MECOM: variants seen among roughly 807,000 people sequenced by gnomAD.
The protein encoded by MECOM is histone-lysine N-methyltransferase MECOM.
Under a neutral mutation model 116.3 loss-of-function variants are expected in MECOM, and 13 were observed. The observed-to-expected ratio is 0.11, with a 90% CI of 0.07 to 0.18. MECOM has a LOEUF of 0.18. Among genes scored for constraint, MECOM ranks in the 10% least tolerant of loss-of-function variants. The probability of loss-of-function intolerance (pLI) is 1.00; values close to 1 mark genes in which losing one functional copy is unlikely to be tolerated. For missense variants in MECOM, 1,299 were observed against 1,509.0 expected (o/e 0.86, Z 2.31); for synonymous variants, 528 against 535.2 (o/e 0.99, Z 0.19).
intron 2 of MECOM, among the ~76,000 whole-genome samples, chr3:169,330,771 T>C (rs1312666269): frequency 6.6e-6 from 1 of 152,036 alleles, no homozygotes; most frequent in Non-Finnish European, 1.5e-5. Flanking sequence ...ATTACCAAAA[T>C]AAGTGACATT....
At chr3:169,518,225 C>T (rs1468302128) in intron 1 of MECOM, among the ~76,000 whole-genome samples, 1 of 151,428 alleles carries the variant, frequency 6.6e-6, no homozygotes, top group African/African-American at 2.4e-5. Flanking sequence ...CACCACTGCA[C>T]TCCAGCCTGG....
chr3:169,572,545 T>C (rs909687515), intron 1 of MECOM, among the ~76,000 whole-genome samples: 1 of 152,182 alleles, frequency 6.6e-6, no homozygotes, highest in Non-Finnish European at 1.5e-5. Context: ...TGCACACATA[T>C]GTTTATTGCA....
At chr3:169,566,417 T>C (rs561421488) in intron 1 of MECOM, among the ~76,000 whole-genome samples, 83 of 152,300 alleles carry the variant, frequency 5.4e-4, no homozygotes, top group African/African-American at 2.0e-3. Flanking sequence ...CTCTTTCAAG[T>C]GCCCTCTCTG....
At chr3:169,204,986 T>C (rs1749705471) in intron 2 of MECOM, among the ~76,000 whole-genome samples, 1 of 152,204 alleles carries the variant, frequency 6.6e-6, no homozygotes, top group African/African-American at 2.4e-5. Context: ...AAGGCTCAAC[T>C]TGCTGATCTT....
chr3:169,539,187 C>T (rs1267462293), intron 1 of MECOM, among the ~76,000 whole-genome samples: 1 of 152,126 alleles, frequency 6.6e-6, no homozygotes, highest in African/African-American at 2.4e-5. Flanking sequence ...TCTAAGGCTT[C>T]CATGGTGGAT....
At chr3:169,476,669 CT>C (rs796719275) in intron 1 of MECOM, among the ~76,000 whole-genome samples, 4 of 151,912 alleles carry the variant, frequency 2.6e-5, no homozygotes, top group African/African-American at 7.2e-5. Flanking sequence ...TGCAAGTAAT[CT>C]TTTTTTTCTC....
chr3:169,340,096 T>C (rs1307047370), intron 2 of MECOM, among the ~76,000 whole-genome samples: 1 of 152,214 alleles, frequency 6.6e-6, no homozygotes, highest in Non-Finnish European at 1.5e-5. Context: ...CTTACATACA[T>C]GCACATTTTT....
rs1440301988 is a variant in MECOM at position 169,525,273 on chromosome 3, C to T, written c.37+138063G>A. Among the ~76,000 whole-genome samples, 7 of 152,160 alleles carry T rather than the reference C, an allele frequency of 4.6e-5. No homozygotes were observed. In the East Asian group the frequency reaches 1.3e-3, roughly 29 times the overall value. Reference sequence around the variant, plus strand: ...TCCAGAGATTATTATTGGGTAATGACATTGGAAATAAAAAAGTATATAGTA... The same window carrying T: ...TCCAGAGATTATTATTGGGTAATGATATTGGAAATAAAAAAGTATATAGTA... On this transcript the variant is annotated intron_variant, in intron 1 of 16. Coordinates refer to ENST00000651503, the MANE Select transcript of MECOM (RefSeq NM_004991.4).
intron 2 of MECOM, among the ~76,000 whole-genome samples, chr3:169,160,008 C>T (rs139660124): frequency 6.6e-6 from 1 of 152,268 alleles, no homozygotes; most frequent in East Asian, 1.9e-4. Flanking sequence ...TCAATAAAAT[C>T]GTTGGTACTT....
intron 3 of MECOM, among the ~76,000 whole-genome samples, chr3:169,137,353 G>A (rs748902144): frequency 3.8e-4 from 58 of 151,946 alleles, no homozygotes; most frequent in Non-Finnish European, 4.9e-4. Flanking sequence ...TAGTAATGTG[G>A]GAAACTCCAA....
At chr3:169,391,997 A>C (rs2108340311) in intron 1 of MECOM, among the ~76,000 whole-genome samples, 1 of 152,302 alleles carries the variant, frequency 6.6e-6, no homozygotes, top group East Asian at 1.9e-4. Context: ...GAGAATTATA[A>C]ATGTTTGCTG....
chr3:169,193,385 A>G (rs1429288067), intron 2 of MECOM, among the ~76,000 whole-genome samples: 1 of 152,036 alleles, frequency 6.6e-6, no homozygotes, highest in African/African-American at 2.4e-5. Context: ...TGGAATTCGG[A>G]GTGAGCTAAT....
Position 169,092,953 on chromosome 3 carries a change from T to G in MECOM, c.3164+5A>C. 1 of 1,613,656 alleles carries G rather than the reference T, an allele frequency of 6.2e-7. No homozygotes were observed. The highest frequency in any genetic ancestry group is 8.5e-7 in the Non-Finnish European group (1 of 1,179,692). On this transcript the variant is annotated splice_donor_5th_base_variant and intron_variant, in intron 14 of 16. Transcript: ENST00000651503. ...CAGAGTTTAAAAAGTAAAAGACAGC[T>G]TTACCTCTCCTCCACATTCCTGGGA...
At position 169,093,086 on chromosome 3, in the gene MECOM, C is replaced by A. The variant is rs17466625; in HGVS notation, c.3036G>T (p.Ser1012=). ...NGNMSGTATS[S]PHSELESTGA... The stretch of plus-strand genomic sequence containing the variant: ...CTGTACTTTCCAGTTCAGAATGAGG[C>A]GACGATGTTGCTGTACCTGTGTGGA... Residue 1012 remains serine (S), a synonymous_variant, in exon 14 of 17, where the codon TCG becomes TCT. Coordinates refer to ENST00000651503, the MANE Select transcript of MECOM (RefSeq NM_004991.4). The A allele has an allele frequency of 1.9e-6, 3 of 1,610,988 alleles. No homozygotes were observed. The highest frequency in any genetic ancestry group is 2.5e-6 in the Non-Finnish European group (3 of 1,178,640).
intron 8 of MECOM, 88 bp downstream of exon 8, chr3:169,115,295 A>G: frequency 3.1e-6 from 4 of 1,308,886 alleles, no homozygotes; most frequent in Non-Finnish European, 4.2e-6. Context: ...AATAGTAAAA[A>G]TGATGTGTTA....
At chr3:169,240,367 A>AT (rs2149547586) in intron 2 of MECOM, among the ~76,000 whole-genome samples, 1 of 152,226 alleles carries the variant, frequency 6.6e-6, no homozygotes, top group Non-Finnish European at 1.5e-5. Context: ...CTAAATCTTC[A>AT]TGCCTAAACC....
chr3:169,238,741 A>G (rs928614760), intron 2 of MECOM, among the ~76,000 whole-genome samples: 2 of 152,216 alleles, frequency 1.3e-5, no homozygotes, highest in African/African-American at 4.8e-5. Flanking sequence ...GATCTCTTAT[A>G]GAATTCAACT....
At chr3:169,560,222 A>G (rs1762490035) in intron 1 of MECOM, among the ~76,000 whole-genome samples, 1 of 152,192 alleles carries the variant, frequency 6.6e-6, no homozygotes, top group Admixed American at 6.5e-5. Flanking sequence ...TAGCTCTGGA[A>G]AATTATCTTT....
At chr3:169,404,199 G>A (rs73172085) in intron 1 of MECOM, among the ~76,000 whole-genome samples, 2,297 of 151,854 alleles carry the variant, frequency 0.015, 30 homozygotes, top group Non-Finnish European at 0.024. Context: ...TTTCTTCCTA[G>A]ATTAAAAAAA....
Sources: allele counts gnomAD v4.1 joint callset (sites outside exome capture counted in the v4.1 genomes callset), GRCh38; gene constraint gnomAD v4.1.1; transcripts MANE v1.5; gene names NCBI Gene and HGNC (gene_info 2026-07-23, HGNC 2026-07-21).